MSH4: variants seen among roughly 807,000 people sequenced by gnomAD.
MSH4 encodes the protein mutS homolog 4.
Under a neutral mutation model 113.7 loss-of-function variants are expected in MSH4, and 106 were observed. The ratio of observed to expected loss-of-function variants is 0.93; its 90% CI spans 0.80 to 1.10. The LOEUF is 1.10. Among genes scored for constraint, MSH4 ranks in the 50% least tolerant of loss-of-function variants. MSH4 has a pLI of 0.00. For missense variants in MSH4, 1,061 were observed against 1,093.7 expected (o/e 0.97, Z 0.42); for synonymous variants, 368 against 380.2 (o/e 0.97, Z 0.37).
chr1:75,884,278 G>A (rs539241267), intron 15 of MSH4, among the ~76,000 whole-genome samples: 1 of 152,116 alleles, frequency 6.6e-6, no homozygotes, highest in Admixed American at 6.6e-5. Flanking sequence ...CCAATAACTT[G>A]GCCATAGCAG....
chr1:75,909,184 A>G (rs1015922744), intron 19 of MSH4, among the ~76,000 whole-genome samples: 2 of 152,094 alleles, frequency 1.3e-5, no homozygotes, highest in East Asian at 3.9e-4. Flanking sequence ...ATCCACCTCA[A>G]TCTCACTTTT....
rs574186294 is a variant in MSH4, at chr1:75,847,812, C to T, written c.1163-397C>T. 1.4e-4 allele frequency among the ~76,000 whole-genome samples: 21 copies of T among 152,286 alleles called. No homozygotes were observed. The East Asian group carries it at 4.1e-3, about 29-fold the overall frequency. On this transcript the variant is annotated intron_variant, in intron 7 of 19. Transcript: ENST00000263187. ...AGTTTTATTAAGGGGTTAACTCACT[C>T]ATCACGGTAGGAATGGCACTAAGCT...
intron 7 of MSH4, among the ~76,000 whole-genome samples, chr1:75,830,813 C>A (rs11161700): frequency 0.21 from 31,515 of 152,108 alleles, 3,823 homozygotes; most frequent in African/African-American, 0.3. Context: ...AAGGAACAAC[C>A]AGTACCAGCC....
intron 1 of MSH4, among the ~76,000 whole-genome samples, chr1:75,799,247 C>G (rs1320286680): frequency 1.3e-5 from 2 of 152,220 alleles, no homozygotes; most frequent in East Asian, 3.9e-4. Context: ...CAGACGGTAT[C>G]TTTGATCCTC....
intron 8 of MSH4, among the ~76,000 whole-genome samples, chr1:75,852,397 A>G (rs1570967589): frequency 6.6e-6 from 1 of 152,188 alleles, no homozygotes; most frequent in African/African-American, 2.4e-5. Flanking sequence ...ATATATACCT[A>G]GGAATGGAAT....
At chr1:75,803,635 A>G (rs1194732558) in intron 1 of MSH4, 96 bp from the exon 2 acceptor site, 3 of 974,922 alleles carry the variant, frequency 3.1e-6, no homozygotes, top group Non-Finnish European at 4.2e-6. Context: ...AAAAAAAGAA[A>G]AAAAAGGAAA....
intron 8 of MSH4, among the ~76,000 whole-genome samples, chr1:75,852,221 C>A (rs1651204280): frequency 6.6e-6 from 1 of 152,080 alleles, no homozygotes; most frequent in Admixed American, 6.6e-5. Context: ...ATACTTTATT[C>A]TTTGTATTGA....
intron 14 of MSH4, among the ~76,000 whole-genome samples, chr1:75,881,815 A>T (rs550351579): frequency 3.9e-5 from 6 of 152,196 alleles, no homozygotes; most frequent in Non-Finnish European, 7.4e-5. Flanking sequence ...ATTTATTTTT[A>T]TATCCCAAGT....
intron 8 of MSH4, among the ~76,000 whole-genome samples, chr1:75,859,755 G>T (rs1356441470): frequency 1.3e-5 from 2 of 152,182 alleles, no homozygotes; most frequent in Admixed American, 1.3e-4. Flanking sequence ...GGGGTGGAGA[G>T]TTCTGTAGAT....
At chr1:75,885,318 G>GGTGT (rs58647865) in intron 15 of MSH4, among the ~76,000 whole-genome samples, 86 of 105,338 alleles carry the variant, frequency 8.2e-4, no homozygotes, top group African/African-American at 1.5e-3. Context: ...TCACACTGGG[G>GGTGT]GTGTGTGTGT....
At chr1:75,856,961 C>T (rs190605377) in intron 8 of MSH4, among the ~76,000 whole-genome samples, 4,083 of 152,200 alleles carry the variant, frequency 0.027, 84 homozygotes, top group South Asian at 0.064. Context: ...TGTTTCCTGA[C>T]TTTTTAATGA....
chr1:75,848,856 A>G (rs1408264540), intron 8 of MSH4, among the ~76,000 whole-genome samples: 2 of 152,186 alleles, frequency 1.3e-5, no homozygotes, highest in African/African-American at 4.8e-5. Context: ...CCTAATAACT[A>G]ACTAACTAAA....
chr1:75,886,940 G>A (rs1366148772), intron 15 of MSH4, among the ~76,000 whole-genome samples: 1 of 150,450 alleles, frequency 6.6e-6, no homozygotes, highest in Non-Finnish European at 1.5e-5. Flanking sequence ...CTCTCTGAGG[G>A]CAGGACCCAT....
intron 3 of MSH4, among the ~76,000 whole-genome samples, chr1:75,810,471 T>A (rs1650167732): frequency 6.9e-6 from 1 of 145,290 alleles, no homozygotes; most frequent in Non-Finnish European, 1.5e-5. Flanking sequence ...GCCAGGTGGG[T>A]CTCGAACTCC....
chr1:75,860,005 C>G (rs1239034491), intron 8 of MSH4, among the ~76,000 whole-genome samples: 1 of 152,152 alleles, frequency 6.6e-6, no homozygotes, highest in African/African-American at 2.4e-5. Flanking sequence ...GATCCCTTTA[C>G]CAATATGTAA....
At chr1:75,818,698 C>G (rs948469654) in intron 6 of MSH4, among the ~76,000 whole-genome samples, 2 of 152,038 alleles carry the variant, frequency 1.3e-5, no homozygotes, top group African/African-American at 2.4e-5. Context: ...ATAGGGAAGT[C>G]TTTCTTAATC....
chr1:75,838,021 A>G (rs1650870079), intron 7 of MSH4, among the ~76,000 whole-genome samples: 2 of 152,178 alleles, frequency 1.3e-5, no homozygotes, highest in African/African-American at 4.8e-5. Context: ...ATCTGAGACT[A>G]TCACTCTGTA....
chr1:75,909,925 T>C (rs1292698204), intron 19 of MSH4, among the ~76,000 whole-genome samples: 1 of 152,100 alleles, frequency 6.6e-6, no homozygotes, highest in Non-Finnish European at 1.5e-5. Context: ...AGGAAGAGAC[T>C]GACTTTCAGA....
In MSH4 at chr1:75,913,018, AT is replaced by A; in HGVS notation, c.*133del. 2 of 457,416 alleles carry A rather than the reference AT, an allele frequency of 4.4e-6. No homozygotes were observed. The highest frequency in any genetic ancestry group is 7.4e-6 in the Non-Finnish European group (2 of 270,176). The allele number at this position is 457,416 out of a possible 1,614,324, so 28.3% of individuals were successfully genotyped here. On this transcript the variant is annotated 3_prime_UTR_variant, in exon 20 of 20. Transcript: ENST00000263187. ...AAAATTACATTATATTAACATCACA[AT>A]TGTCATCTATATATTCTATATGAAA...
Sources: allele counts gnomAD v4.1 joint callset (sites outside exome capture counted in the v4.1 genomes callset), GRCh38; gene constraint gnomAD v4.1.1; transcripts MANE v1.5; gene names NCBI Gene and HGNC (gene_info 2026-07-23, HGNC 2026-07-21).